Variants in ATG7 observed in about 807,000 individuals in gnomAD.
The protein encoded by ATG7 is autophagy related 7, also known as ubiquitin-like modifier-activating enzyme ATG7.
ATG7 carries 70 observed loss-of-function variants against 82.4 expected under a neutral mutation model. The ratio of observed to expected loss-of-function variants is 0.85; its 90% confidence interval spans 0.70 to 1.04. The LOEUF (loss-of-function observed/expected upper bound fraction) is 1.04, where lower values mean the gene tolerates loss of function less well. ATG7 is among the 50% of genes least tolerant of loss of function. ATG7 has a pLI of 0.00. For synonymous variants in ATG7, 287 were observed against 313.0 expected, an observed-to-expected ratio of 0.92 and a Z score of 0.88; for missense variants, 792 against 864.3, an observed-to-expected ratio of 0.92 and a Z score of 1.05.
chr3:11,518,681 C>G (rs1346236000), intron 20 of ATG7, among the ~76,000 whole-genome samples: 4 of 152,126 alleles, frequency 2.6e-5, no homozygotes, highest in Non-Finnish European at 4.4e-5. Flanking sequence ...TTGCTGGATT[C>G]TAGAATAAAC....
intron 9 of ATG7, among the ~76,000 whole-genome samples, chr3:11,330,165 A>G (rs1436759823): frequency 6.6e-6 from 1 of 152,188 alleles, no homozygotes; most frequent in Non-Finnish European, 1.5e-5. Flanking sequence ...TGCTTGCTTA[A>G]GGTAATATTT....
At chr3:11,535,590 A>C (rs981561766) in intron 20 of ATG7, among the ~76,000 whole-genome samples, 1 of 152,178 alleles carries the variant, frequency 6.6e-6, no homozygotes, top group African/African-American at 2.4e-5. Context: ...CAAGCCCTAC[A>C]GGAGGACTCA....
rs1240465264 is a variant in ATG7 at position 11,342,204 on chromosome 3, G to A, written c.1050G>A (p.Leu350=). The A allele has an allele frequency of 1.2e-6, 2 of 1,613,424 alleles. No individual in the cohort carries two copies. The highest frequency in any genetic ancestry group is 1.3e-5 in the African/African-American group (1 of 74,858). The change falls in exon 13 of 21, where the codon TTG becomes TTA. Residue 350 remains leucine (L), a synonymous_variant. Transcript: ENST00000693202. The part of the protein sequence containing the change: ...MCWRLVPTLD[L]DKVVSVKCLL... ...GGAGATTGGTTCCTACTTTAGACTTGGACAAGGTTGTGTCTGTCAAATGTC... is the reference window on the plus strand; with the variant it reads ...GGAGATTGGTTCCTACTTTAGACTTAGACAAGGTTGTGTCTGTCAAATGTC...
chr3:11,553,377 G>A (rs2072016329), intron 20 of ATG7, among the ~76,000 whole-genome samples: 1 of 151,242 alleles, frequency 6.6e-6, no homozygotes, highest in African/African-American at 2.4e-5. Flanking sequence ...CTACATGAAT[G>A]TGTGTTCGTT....
intron 20 of ATG7, among the ~76,000 whole-genome samples, chr3:11,441,538 A>G (rs2083963868): frequency 6.6e-6 from 1 of 151,184 alleles, no homozygotes; most frequent in Admixed American, 6.6e-5. Context: ...CACCGCAACC[A>G]GCCTGCATTA....
chr3:11,276,932 C>T (rs1941932004), intron 1 of ATG7, among the ~76,000 whole-genome samples: 1 of 152,212 alleles, frequency 6.6e-6, no homozygotes, highest in Non-Finnish European at 1.5e-5. Flanking sequence ...CTCATCTTCC[C>T]TTTGAACCTG....
intron 11 of ATG7, among the ~76,000 whole-genome samples, chr3:11,337,482 CTCTCTCTA>C (rs375601935): frequency 0.013 from 1,984 of 149,398 alleles, 39 homozygotes; most frequent in African/African-American, 0.046. Flanking sequence ...CTCTCTCTCT[CTCTCTCTA>C]TATATATATA....
At chr3:11,574,674 TTAA>T in the ATG7 span, among the ~76,000 whole-genome samples, 1 of 152,118 alleles carries the variant, frequency 6.6e-6, no homozygotes, top group Non-Finnish European at 1.5e-5. Context: ...AAAGAAACGA[TTAA>T]TGTTTGATGG....
chr3:11,387,043 C>T (rs1404525438), intron 19 of ATG7, among the ~76,000 whole-genome samples: 1 of 152,220 alleles, frequency 6.6e-6, no homozygotes, highest in African/African-American at 2.4e-5. Flanking sequence ...GTATCCAGTT[C>T]CCTGTGGCCA....
chr3:11,372,947 A>G (rs905009368), intron 18 of ATG7, among the ~76,000 whole-genome samples: 3 of 151,334 alleles, frequency 2.0e-5, no homozygotes, highest in African/African-American at 7.3e-5. Context: ...AGAAAGTTAA[A>G]TGTTTAGATA....
chr3:11,575,166 T>C, the ATG7 span, among the ~76,000 whole-genome samples: 1 of 152,168 alleles, frequency 6.6e-6, no homozygotes, highest in African/African-American at 2.4e-5. Flanking sequence ...CTTGGGTCCT[T>C]GCTCCCCTGC....
At position 11,399,760 on chromosome 3, in the gene ATG7, G is replaced by C. The variant is rs552379735; in HGVS notation, c.1956+19708G>C. On this transcript the variant is annotated intron_variant, in intron 19 of 20. Transcript: ENST00000693202. The stretch of plus-strand genomic sequence containing the variant: ...CAGCTAATTTTTTATTTTTAGTAGA[G>C]ACAGAGCTTCACCATGTTGGTCAGG... 1.5e-4 allele frequency among the ~76,000 whole-genome samples: 23 copies of C among 152,254 alleles called. No individual in the cohort carries two copies. The South Asian group carries it at 3.5e-3, about 23-fold the overall frequency.
At chr3:11,441,670 ATT>A (rs35365064) in intron 20 of ATG7, among the ~76,000 whole-genome samples, 13 of 110,280 alleles carry the variant, frequency 1.2e-4, no homozygotes, top group Admixed American at 3.6e-4. Flanking sequence ...TTTTTTTTTA[ATT>A]TTTTTTTTTT....
At chr3:11,338,258 C>G (rs1169545229) in intron 11 of ATG7, among the ~76,000 whole-genome samples, 2 of 152,148 alleles carry the variant, frequency 1.3e-5, no homozygotes, top group African/African-American at 4.8e-5. Context: ...GCCTCCAGCT[C>G]CATCCATGTT....
rs1249740283 is a variant in ATG7 at position 11,554,719 on chromosome 3, A to G, written c.2080-92A>G. 6 of 1,470,554 alleles carry G rather than the reference A, an allele frequency of 4.1e-6. No individual in the cohort carries two copies. In the East Asian group the frequency reaches 1.4e-4, roughly 34 times the overall value. The allele number at this position is 1,470,554 out of a possible 1,614,324, so 91.1% of individuals were successfully genotyped here. ...ACAAGGGAGTGGTTCTGCAGGTGGG[A>G]GCTGCCATGACTGCTGCGGTTTTGA... On this transcript the variant is annotated intron_variant, in intron 20 of 20. Coordinates refer to ENST00000693202, the MANE Select transcript of ATG7 (RefSeq NM_001349232.2).
chr3:11,460,177 G>GT (rs1173119289), intron 20 of ATG7, among the ~76,000 whole-genome samples: 1 of 152,210 alleles, frequency 6.6e-6, no homozygotes, highest in Non-Finnish European at 1.5e-5. Context: ...TTCTTTTGGC[G>GT]TTGTTTTAAG....
intron 13 of ATG7, 104 bp from the exon 14 acceptor site, chr3:11,347,773 G>T: frequency 3.2e-6 from 4 of 1,258,906 alleles, no homozygotes; most frequent in South Asian, 1.9e-5. Context: ...TGTGTTTTGA[G>T]GTTCCCAAGC....
intron 20 of ATG7, among the ~76,000 whole-genome samples, chr3:11,443,049 A>C (rs573130732): frequency 2.6e-4 from 39 of 152,356 alleles, no homozygotes; most frequent in Non-Finnish European, 3.1e-4. Context: ...TGCTTGATTA[A>C]AACATCATTT....
intron 20 of ATG7, among the ~76,000 whole-genome samples, chr3:11,549,832 T>C (rs2071613279): frequency 6.6e-6 from 1 of 152,342 alleles, no homozygotes; most frequent in Non-Finnish European, 1.5e-5. Context: ...TTTGCCAGTT[T>C]CCATCCCCAC....
Sources: gnomAD v4.1 joint callset for allele counts (sites outside exome capture counted in the v4.1 genomes callset) on GRCh38, gnomAD v4.1.1 for gene constraint, MANE v1.5 for transcripts, NCBI Gene and HGNC (gene_info 2026-07-23, HGNC 2026-07-21) for gene names.